STPG4: variants seen among roughly 807,000 people sequenced by gnomAD.
STPG4 encodes the protein sperm-tail PG-rich repeat containing 4.
Under a neutral mutation model 31.5 loss-of-function variants are expected in STPG4, and 41 were observed. The observed-to-expected ratio is 1.30, with a 90% CI of 1.01 to 1.69. The LOEUF is 1.69. Ranked by LOEUF, STPG4 falls within the 40% of genes most tolerant of loss-of-function variation. STPG4 has a pLI of 0.00. For synonymous variants in STPG4, 141 were observed against 103.0 expected (o/e 1.37, Z -2.24); for missense variants, 375 against 293.4 (o/e 1.28, Z -2.03).
rs112203637 is a variant in STPG4 at position 47,115,924 on chromosome 2, G to C, written c.519+14017C>G. 8.5e-3 allele frequency among the ~76,000 whole-genome samples: 1,302 copies of C among 152,304 alleles called. 21 individuals carry two copies. Among genetic ancestry groups the C allele is most frequent in the African/African-American group, 0.029 (1,220 of 41,562 alleles). On this transcript the variant is annotated intron_variant, in intron 5 of 6. Transcript: ENST00000445927. Reference sequence around the variant, plus strand: ...CTGCCTCGGGCTTCCAAATTGCTAGGATGACAGGCGTGAGCCACCAGGCCC... The same window carrying C: ...CTGCCTCGGGCTTCCAAATTGCTAGCATGACAGGCGTGAGCCACCAGGCCC...
At chr2:47,134,231 G>A (rs774682106) in intron 3 of STPG4, among the ~76,000 whole-genome samples, 2 of 152,098 alleles carry the variant, frequency 1.3e-5, no homozygotes, top group Admixed American at 6.5e-5. Flanking sequence ...AAGTCCATAT[G>A]TTACATTAGA....
chr2:47,103,102 C>T lies in STPG4; in HGVS notation c.520-12728G>A, dbSNP rs1283090706. ...TCCCTACTGGTCAGCAAGCCATCCC[C>T]AGTATGGATCCCCACTGGGACCTTG... On this transcript the variant is annotated intron_variant, in intron 5 of 6. Transcript: ENST00000445927. Among the ~76,000 whole-genome samples, 4 of 151,928 alleles carry T rather than the reference C, an allele frequency of 2.6e-5. No homozygotes were observed. In the East Asian group the frequency reaches 7.7e-4, roughly 29 times the overall value.
chr2:47,120,375 G>C (rs1461593478), intron 5 of STPG4, among the ~76,000 whole-genome samples: 2 of 151,892 alleles, frequency 1.3e-5, no homozygotes, highest in Non-Finnish European at 2.9e-5. Context: ...CAGCAGAAAA[G>C]AATGTTAGCT....
chr2:47,100,926 C>T (rs6757390), intron 5 of STPG4, among the ~76,000 whole-genome samples: 4,432 of 151,854 alleles, frequency 0.029, 301 homozygotes, highest in African/African-American at 0.1. Context: ...CACGAGGGTC[C>T]GCGGCTTCAT....
Position 47,127,252 on chromosome 2 carries a change from C to CTTTTTTTTT in STPG4, c.519+2680_519+2688dup, listed in dbSNP as rs57475505. ...CAAATAGCTTGTCTTCAAGCTAATTCTTTTTTTTTTTTTTTTTTTTTTTTT... is the reference window on the plus strand; with the variant it reads ...CAAATAGCTTGTCTTCAAGCTAATTCTTTTTTTTTTTTTTTTTTTTTTTTTTTTTTTTTT... On this transcript the variant is annotated intron_variant, in intron 5 of 6. Coordinates refer to ENST00000445927, the MANE Select transcript of STPG4 (RefSeq NM_001163561.2). Among the ~76,000 whole-genome samples the CTTTTTTTTT allele has an allele frequency of 2.7e-3, 156 of 57,462 alleles. 36 individuals are homozygous for CTTTTTTTTT. Among genetic ancestry groups the CTTTTTTTTT allele is most frequent in the African/African-American group, 5.7e-3 (55 of 9,674 alleles). The allele number at this position is 57,462 out of a possible 152,430, so 37.7% of individuals were successfully genotyped here.
In STPG4 at chr2:47,153,452, A is replaced by C. The variant is rs141329180; in HGVS notation, c.82-436T>G. On this transcript the variant is annotated intron_variant, in intron 1 of 6. Transcript: ENST00000445927. ...AAAATAAGGCACTACCAGAGTTGGC[A>C]TGAGAATAAAGCATTGTATGCCAGA... 4.7e-4 allele frequency among the ~76,000 whole-genome samples: 72 copies of C among 152,332 alleles called. 1 individual carries two copies. The highest frequency in any genetic ancestry group is 9.0e-4 in the Non-Finnish European group (61 of 68,028).
intron 5 of STPG4, among the ~76,000 whole-genome samples, chr2:47,114,463 C>T (rs1686104765): frequency 6.6e-6 from 1 of 151,880 alleles, no homozygotes; most frequent in Non-Finnish European, 1.5e-5. Flanking sequence ...GTCGAGATCA[C>T]ATGACTGCAC....
At chr2:47,094,009 G>C (rs1183998584) in intron 5 of STPG4, among the ~76,000 whole-genome samples, 1 of 152,206 alleles carries the variant, frequency 6.6e-6, no homozygotes, top group Non-Finnish European at 1.5e-5. Context: ...AGTTCAATAG[G>C]AGGGTGTTTA....
At chr2:47,140,044 G>T (rs1199302703) in intron 3 of STPG4, among the ~76,000 whole-genome samples, 1 of 152,200 alleles carries the variant, frequency 6.6e-6, no homozygotes, top group Admixed American at 6.5e-5. Context: ...GAAGTGCTGG[G>T]ATTACAAGCG....
At chr2:47,091,910 T>A (rs977298516) in intron 5 of STPG4, among the ~76,000 whole-genome samples, 1 of 151,724 alleles carries the variant, frequency 6.6e-6, no homozygotes, top group African/African-American at 2.4e-5. Context: ...TAATGGATGA[T>A]ATGTGCCTGG....
At position 47,100,871 on chromosome 2, in the gene STPG4, A is replaced by G. The variant is rs193035026; in HGVS notation, c.520-10497T>C. On this transcript the variant is annotated intron_variant, in intron 5 of 6. Coordinates refer to ENST00000445927, the MANE Select transcript of STPG4 (RefSeq NM_001163561.2). ...ACTCCGAACACATCCGAACATCAGAAGGAACAAACTCCAGACGCGCCACCT... is the reference window on the plus strand; with the variant it reads ...ACTCCGAACACATCCGAACATCAGAGGGAACAAACTCCAGACGCGCCACCT... Among the ~76,000 whole-genome samples the G allele has an allele frequency of 9.7e-4, 148 of 151,910 alleles. 3 individuals are homozygous for G. The highest frequency in any genetic ancestry group is 3.3e-3 in the African/African-American group (137 of 41,286).
At chr2:47,101,385 C>T (rs747537542) in intron 5 of STPG4, among the ~76,000 whole-genome samples, 8 of 151,626 alleles carry the variant, frequency 5.3e-5, no homozygotes, top group Non-Finnish European at 1.2e-4. Flanking sequence ...GTTGACCCTG[C>T]GGCCATGAGC....
In STPG4 at chr2:47,151,582, G is replaced by C. The variant is rs1686938680; in HGVS notation, c.142-67C>G. ...TAACTTCTCCTAAAACACCATTCTTGGATGGGAAGCTCCCAAGTAACATCT... is the reference window on the plus strand; with the variant it reads ...TAACTTCTCCTAAAACACCATTCTTCGATGGGAAGCTCCCAAGTAACATCT... On this transcript the variant is annotated intron_variant, in intron 2 of 6. Coordinates refer to ENST00000445927, the MANE Select transcript of STPG4 (RefSeq NM_001163561.2). 2.2e-6 allele frequency: 3 copies of C among 1,364,638 alleles called. No homozygotes were observed. In the African/African-American group the frequency reaches 4.3e-5, roughly 20 times the overall value. The allele number at this position is 1,364,638 out of a possible 1,614,324, so 84.5% of individuals were successfully genotyped here.
At chr2:47,131,895 G>A (rs962069725) in intron 3 of STPG4, among the ~76,000 whole-genome samples, 18 of 152,020 alleles carry the variant, frequency 1.2e-4, no homozygotes, top group African/African-American at 3.9e-4. Flanking sequence ...AGACAGGAGA[G>A]GCTTAATGCC....
intron 3 of STPG4, among the ~76,000 whole-genome samples, chr2:47,138,391 AG>A (rs1686640169): frequency 6.7e-6 from 1 of 150,204 alleles, no homozygotes; most frequent in Non-Finnish European, 1.5e-5. Context: ...AAATTTGTTA[AG>A]GTTTTTTTTT....
intron 5 of STPG4, among the ~76,000 whole-genome samples, chr2:47,113,183 T>A (rs1250184775): frequency 6.6e-6 from 1 of 152,132 alleles, no homozygotes; most frequent in East Asian, 1.9e-4. Context: ...CAGACAACAG[T>A]CCCTTCTTTC....
At position 47,101,943 on chromosome 2, in the gene STPG4, G is replaced by A. The variant is rs542298768; in HGVS notation, c.520-11569C>T. 5.3e-5 allele frequency among the ~76,000 whole-genome samples: 8 copies of A among 151,848 alleles called. 1 individual carries two copies. Among genetic ancestry groups the A allele is most frequent in the African/African-American group, 1.5e-4 (6 of 41,282 alleles). On this transcript the variant is annotated intron_variant, in intron 5 of 6. Coordinates refer to ENST00000445927, the MANE Select transcript of STPG4 (RefSeq NM_001163561.2). Reference sequence around the variant, plus strand: ...GACTCTAACAGGTTTTCGAGAATGTGTCGGTAAGGGCCACTAAATCCGATT... The same window carrying A: ...GACTCTAACAGGTTTTCGAGAATGTATCGGTAAGGGCCACTAAATCCGATT...
At chr2:47,103,898 C>T (rs1039233273) in intron 5 of STPG4, among the ~76,000 whole-genome samples, 1 of 151,938 alleles carries the variant, frequency 6.6e-6, no homozygotes, top group Non-Finnish European at 1.5e-5. Flanking sequence ...GTGTTAATCT[C>T]CTGTCCTGGA....
intron 3 of STPG4, among the ~76,000 whole-genome samples, chr2:47,148,654 A>G (rs1238095080): frequency 6.6e-6 from 1 of 152,212 alleles, no homozygotes; most frequent in African/African-American, 2.4e-5. Context: ...TACATTAGGT[A>G]TATCTCCTAA....
Sources: allele counts gnomAD v4.1 joint callset (sites outside exome capture counted in the v4.1 genomes callset), GRCh38; gene constraint gnomAD v4.1.1; transcripts MANE v1.5; gene names NCBI Gene and HGNC (gene_info 2026-07-23, HGNC 2026-07-21).